The following CHCHD3 variants were observed in gnomAD, a reference collection of about 807,000 sequenced individuals.
CHCHD3 encodes coiled-coil-helix-coiled-coil-helix domain containing 3.
A neutral mutation model predicts 38.2 loss-of-function variants in CHCHD3; 20 were observed. That is an observed-to-expected ratio of 0.52 (90% CI 0.37 to 0.76). CHCHD3 has a LOEUF of 0.76. CHCHD3 is among the 30% of genes least tolerant of loss of function. The probability of loss-of-function intolerance (pLI) is 0.00; values close to 1 mark genes in which losing one functional copy is unlikely to be tolerated. For synonymous variants in CHCHD3, 82 were observed against 100.0 expected (o/e 0.82, Z 1.07); for missense variants, 245 against 279.2 (o/e 0.88, Z 0.87).
intron 2 of CHCHD3, among the ~76,000 whole-genome samples, chr7:133,061,974 T>C (rs2117522217): frequency 6.6e-6 from 1 of 152,284 alleles, no homozygotes; most frequent in African/African-American, 2.4e-5. Flanking sequence ...AAGCACTTAC[T>C]GTTCCCTGGT....
intron 4 of CHCHD3, among the ~76,000 whole-genome samples, chr7:132,965,121 G>A (rs897994520): frequency 6.6e-6 from 1 of 151,344 alleles, no homozygotes; most frequent in African/African-American, 2.4e-5. Flanking sequence ...CATGCATGGC[G>A]ATTAGTTGCC....
chr7:133,035,033 C>A lies in CHCHD3; in HGVS notation c.170-10406G>T, dbSNP rs1192843635. ...CAGAGAGTGTGTCCTCATTGGAGTA[C>A]TTGCGCTTAAATTCATCCAACACAA... On this transcript the variant is annotated intron_variant, in intron 2 of 7. Coordinates refer to ENST00000262570, the MANE Select transcript of CHCHD3 (RefSeq NM_017812.4). This position sits in a 1 kb window ranked among gnomAD's most constrained non-coding sequence, Gnocchi z 4.7. 3 of 1,613,290 alleles carry A rather than the reference C, an allele frequency of 1.9e-6. No homozygotes were observed. Among genetic ancestry groups the A allele is most frequent in the Non-Finnish European group, 2.5e-6 (3 of 1,179,522 alleles).
intron 5 of CHCHD3, among the ~76,000 whole-genome samples, chr7:132,875,085 A>G (rs1216631621): frequency 1.3e-5 from 2 of 152,288 alleles, no homozygotes; most frequent in East Asian, 3.9e-4. Context: ...TACTAGCATT[A>G]TTCAGGGCAC....
intron 5 of CHCHD3, chr7:132,849,539 A>C (rs1585569617): frequency 6.6e-6 from 1 of 152,212 alleles, no homozygotes; most frequent in Non-Finnish European, 1.5e-5. Context: ...ATCCTATTAC[A>C]TTCCATAGTT....
At chr7:132,964,535 T>C (rs1309349816) in intron 4 of CHCHD3, among the ~76,000 whole-genome samples, 3 of 152,118 alleles carry the variant, frequency 2.0e-5, no homozygotes, top group African/African-American at 7.2e-5. Context: ...TGAGCCAAGA[T>C]CACGCCACTG....
chr7:133,033,614 T>G (rs1391059217), intron 2 of CHCHD3, among the ~76,000 whole-genome samples: 1 of 152,156 alleles, frequency 6.6e-6, no homozygotes, highest in East Asian at 1.9e-4. Flanking sequence ...CACAGATAGA[T>G]AGTCACAAAT....
intron 3 of CHCHD3, chr7:133,022,500 T>C: frequency 4.4e-6 from 2 of 456,448 alleles, no homozygotes; most frequent in South Asian, 1.5e-5. Context: ...TCTTCTCTGG[T>C]AGAAAAAAAG....
rs531911981 is a variant in CHCHD3, at chr7:132,929,372, C to A, written c.370-43627G>T. 1.9e-3 allele frequency among the ~76,000 whole-genome samples: 292 copies of A among 152,146 alleles called. 1 individual carries two copies. The highest frequency in any genetic ancestry group is 6.7e-3 in the African/African-American group (279 of 41,502). On this transcript the variant is annotated intron_variant, in intron 4 of 7. Transcript: ENST00000262570. ...TCCTCCATCTGCCTTGCAGATGGCT[C>A]CTGCATAGTCTCCCATGCAACTCTT...
At chr7:132,950,240 G>A (rs1406179342) in intron 4 of CHCHD3, among the ~76,000 whole-genome samples, 2 of 152,006 alleles carry the variant, frequency 1.3e-5, no homozygotes, top group Non-Finnish European at 2.9e-5. Flanking sequence ...TGACGGGATC[G>A]ACTACATGCT....
intron 3 of CHCHD3, among the ~76,000 whole-genome samples, chr7:133,018,732 T>C (rs910892053): frequency 1.3e-5 from 2 of 152,102 alleles, no homozygotes; most frequent in Non-Finnish European, 2.9e-5. Context: ...GTAGAATAGA[T>C]ATATGCCCAC....
At chr7:132,943,936 T>G (rs1371057972) in intron 4 of CHCHD3, among the ~76,000 whole-genome samples, 1 of 152,036 alleles carries the variant, frequency 6.6e-6, no homozygotes, top group South Asian at 2.1e-4. Context: ...TGCTAATAAG[T>G]AGGCAAGTAA....
chr7:132,836,607 A>G (rs1341162294), intron 6 of CHCHD3, among the ~76,000 whole-genome samples: 1 of 152,028 alleles, frequency 6.6e-6, no homozygotes, highest in Non-Finnish European at 1.5e-5. Flanking sequence ...AATAGCTGGG[A>G]CCACCAGTAT....
rs1008751366 is a variant in CHCHD3, at chr7:133,081,926, G to A, written c.12C>T (p.Thr4=). Residue 4 remains threonine, a synonymous_variant, in exon 1 of 8, where the codon ACC becomes ACT. Coordinates refer to ENST00000262570, the MANE Select transcript of CHCHD3 (RefSeq NM_017812.4). ...CGAAGGTGACCCGGCGGGTGCTGGT[G>A]GTCCCACCCATGATTCCGGTTCCTG... MGG[T]TSTRRVTFEA... 18 of 1,554,066 alleles carry A rather than the reference G, an allele frequency of 1.2e-5. No individual in the cohort carries two copies. Among genetic ancestry groups the A allele is most frequent in the South Asian group, 4.8e-5 (4 of 84,172 alleles).
At chr7:132,926,703 T>C (rs1810387157) in intron 4 of CHCHD3, among the ~76,000 whole-genome samples, 1 of 152,204 alleles carries the variant, frequency 6.6e-6, no homozygotes, top group Non-Finnish European at 1.5e-5. Flanking sequence ...TGGCATCATA[T>C]TTGTATATAA....
intron 4 of CHCHD3, among the ~76,000 whole-genome samples, chr7:132,913,744 C>T (rs1465250764): frequency 6.6e-6 from 1 of 152,120 alleles, no homozygotes; most frequent in Non-Finnish European, 1.5e-5. Flanking sequence ...GGCCAGGTTA[C>T]TAGCAGCAGA....
At chr7:132,919,065 T>G (rs911674956) in intron 4 of CHCHD3, among the ~76,000 whole-genome samples, 1 of 150,824 alleles carries the variant, frequency 6.6e-6, no homozygotes, top group Admixed American at 6.6e-5. Flanking sequence ...TCATCATCAT[T>G]AATTTTACTC....
At chr7:132,848,555 T>G (rs1344075485) in intron 5 of CHCHD3, among the ~76,000 whole-genome samples, 2 of 152,198 alleles carry the variant, frequency 1.3e-5, no homozygotes, top group Non-Finnish European at 1.5e-5. Flanking sequence ...ATCAAGAGAT[T>G]GACTTTGCAA....
intron 4 of CHCHD3, among the ~76,000 whole-genome samples, chr7:132,944,427 A>G (rs1315474414): frequency 6.7e-6 from 1 of 149,478 alleles, no homozygotes; most frequent in Admixed American, 6.7e-5. Context: ...AGGATAAAGA[A>G]AAAAAAAAAA....
chr7:133,062,388 T>G (rs1814542626), intron 2 of CHCHD3, among the ~76,000 whole-genome samples: 2 of 152,242 alleles, frequency 1.3e-5, no homozygotes, highest in Admixed American at 6.5e-5. Context: ...ATGCTTTATA[T>G]TCTATTAGTT....
Sources: allele counts gnomAD v4.1 joint callset (sites outside exome capture counted in the v4.1 genomes callset), GRCh38; gene constraint gnomAD v4.1.1; non-coding constraint Gnocchi (gnomAD v3.1); transcripts MANE v1.5; gene names NCBI Gene and HGNC (gene_info 2026-07-23, HGNC 2026-07-21).